The following RPIA variants were observed in gnomAD, a reference collection of about 807,000 sequenced individuals.
RPIA encodes ribose 5-phosphate isomerase A.
A neutral mutation model predicts 37.8 loss-of-function variants in RPIA; 29 were observed. That is an observed-to-expected ratio of 0.77 (90% CI 0.57 to 1.05). RPIA has a LOEUF of 1.05. RPIA is among the 50% of genes least tolerant of loss of function. The pLI is 0.00. For missense variants in RPIA, 385 were observed against 413.6 expected (o/e 0.93, Z 0.60); for synonymous variants, 167 against 157.0 (o/e 1.06, Z -0.48).
intron 3 of RPIA, among the ~76,000 whole-genome samples, chr2:88,729,029 C>T (rs7603862): frequency 0.064 from 9,782 of 152,230 alleles, 563 homozygotes; most frequent in African/African-American, 0.15. Flanking sequence ...AAGTCACTGA[C>T]GAGGAGCTCT....
chr2:88,741,049 GT>G (rs927606090), intron 8 of RPIA, among the ~76,000 whole-genome samples: 93 of 151,538 alleles, frequency 6.1e-4, no homozygotes, highest in African/African-American at 1.7e-3. Flanking sequence ...GTCTTTGGGA[GT>G]TTTTTTTTAA....
At chr2:88,700,274 T>G (rs1448833377) in intron 3 of RPIA, among the ~76,000 whole-genome samples, 3 of 152,214 alleles carry the variant, frequency 2.0e-5, no homozygotes, top group African/African-American at 7.2e-5. Flanking sequence ...TCAGTGCATG[T>G]TGAGTTTAGG....
At chr2:88,714,163 T>C (rs1371270279) in intron 3 of RPIA, among the ~76,000 whole-genome samples, 1 of 151,546 alleles carries the variant, frequency 6.6e-6, no homozygotes, top group Non-Finnish European at 1.5e-5. Flanking sequence ...TTTTTTGTTT[T>C]TTTGTTTGTT....
intron 8 of RPIA, among the ~76,000 whole-genome samples, chr2:88,744,297 A>G (rs572981821): frequency 6.6e-6 from 1 of 152,254 alleles, no homozygotes; most frequent in South Asian, 2.1e-4. Context: ...TTTAATTTCC[A>G]TGTATTTGTA....
chr2:88,739,848 C>T (rs140698801), intron 8 of RPIA, among the ~76,000 whole-genome samples: 76 of 152,276 alleles, frequency 5.0e-4, no homozygotes, highest in African/African-American at 1.8e-3. Context: ...GAACTGGGCT[C>T]AAAGTCTCCC....
At chr2:88,700,401 A>G (rs1672813958) in intron 3 of RPIA, among the ~76,000 whole-genome samples, 1 of 152,138 alleles carries the variant, frequency 6.6e-6, no homozygotes, top group South Asian at 2.1e-4. Context: ...CTGTAATCTC[A>G]AGTACTTTGG....
At chr2:88,732,728 T>TAAAAAAAAAA (rs75685116) in intron 4 of RPIA, among the ~76,000 whole-genome samples, 2 of 2,004 alleles carry the variant, frequency 1.0e-3, no homozygotes, top group East Asian at 7.1e-3. Flanking sequence ...TAGAGTATAA[T>TAAAAAAAAAA]AAAAAAAAAA....
intron 8 of RPIA, among the ~76,000 whole-genome samples, chr2:88,748,538 T>G (rs1202849398): frequency 6.6e-6 from 1 of 152,236 alleles, no homozygotes; most frequent in African/African-American, 2.4e-5. Flanking sequence ...ACCTGGTCCA[T>G]TATACCTTTT....
chr2:88,748,698 C>G (rs1558702739), intron 8 of RPIA, among the ~76,000 whole-genome samples: 1 of 152,086 alleles, frequency 6.6e-6, no homozygotes, highest in East Asian at 1.9e-4. Context: ...CTATTCTACT[C>G]TTTTAGTTTT....
intron 3 of RPIA, among the ~76,000 whole-genome samples, chr2:88,710,968 C>T (rs577781109): frequency 1.0e-3 from 158 of 152,320 alleles, no homozygotes; most frequent in African/African-American, 3.5e-3. Flanking sequence ...GTGCCCTGAA[C>T]GCTAGGCGAC....
At position 88,733,344 on chromosome 2, in the gene RPIA, A is replaced by G. The variant is rs773888503; in HGVS notation, c.463-1208A>G. ...GGCACCTGGAAAACCAGGCAGGTTG[A>G]GACTTGATGGTGATCTGGTAGCCCA... is the stretch of plus-strand genomic sequence containing the variant. On this transcript the variant is annotated intron_variant, in intron 4 of 8. Coordinates refer to ENST00000283646, the MANE Select transcript of RPIA (RefSeq NM_144563.3). Among the ~76,000 whole-genome samples, 4 of 152,164 alleles carry G rather than the reference A, an allele frequency of 2.6e-5. 1 individual carries two copies. The highest frequency in any genetic ancestry group is 2.6e-4 in the Admixed American group (4 of 15,284).
At chr2:88,727,517 T>C (rs1370499047) in intron 3 of RPIA, among the ~76,000 whole-genome samples, 2 of 152,212 alleles carry the variant, frequency 1.3e-5, no homozygotes, top group Non-Finnish European at 2.9e-5. Context: ...CTAGTACCCA[T>C]TAGTTATTTT....
intron 8 of RPIA, among the ~76,000 whole-genome samples, chr2:88,748,325 C>T (rs2104153378): frequency 6.6e-6 from 1 of 152,246 alleles, no homozygotes; most frequent in East Asian, 1.9e-4. Flanking sequence ...TGCATGTATT[C>T]CACTTTACCT....
intron 1 of RPIA, among the ~76,000 whole-genome samples, chr2:88,695,173 T>A (rs553975959): frequency 6.6e-6 from 1 of 152,156 alleles, no homozygotes; most frequent in Non-Finnish European, 1.5e-5. Context: ...CTTTATAAGC[T>A]GGTAAACATG....
chr2:88,715,975 C>T (rs6745982), intron 3 of RPIA, among the ~76,000 whole-genome samples: 9,922 of 152,086 alleles, frequency 0.065, 589 homozygotes, highest in African/African-American at 0.16. Flanking sequence ...ATTTTCTTTC[C>T]AAATAAGAGC....
At chr2:88,719,808 T>C (rs1386041050) in intron 3 of RPIA, among the ~76,000 whole-genome samples, 3 of 152,224 alleles carry the variant, frequency 2.0e-5, no homozygotes, top group Non-Finnish European at 4.4e-5. Context: ...TTTATAGACT[T>C]TATAACCTTT....
rs1019772378 is a variant in RPIA at position 88,749,916 on chromosome 2, G to A, written c.839-65G>A. On this transcript the variant is annotated intron_variant, in intron 8 of 8. Transcript: ENST00000283646. The stretch of plus-strand genomic sequence containing the variant: ...GACAGTTGCTTCTAGTGACCCTGCA[G>A]TCTTTGAGTCTCTTTTTGCTTTGGG... The A allele has an allele frequency of 6.9e-6, 8 of 1,153,272 alleles. No homozygotes were observed. In the African/African-American group the frequency reaches 1.2e-4, roughly 17 times the overall value. The allele number at this position is 1,153,272 out of a possible 1,614,324, so 71.4% of individuals were successfully genotyped here. A position where few individuals can be genotyped will look rare whatever the true frequency, so the allele number is the denominator to read the frequency against.
chr2:88,748,945 C>T (rs1673469904), intron 8 of RPIA, among the ~76,000 whole-genome samples: 1 of 152,194 alleles, frequency 6.6e-6, no homozygotes, highest in Non-Finnish European at 1.5e-5. Flanking sequence ...AACTCCTGGG[C>T]TCCATCAGCT....
Position 88,750,867 on chromosome 2 carries a change from T to A in RPIA, c.*789T>A, listed in dbSNP as rs2104157381. ...TTCCTTTGTTATTACTTGCATGGTT[T>A]GGCGTCAGAAGTCCTTACCTCTTTA... On this transcript the variant is annotated 3_prime_UTR_variant, in exon 9 of 9. Coordinates refer to ENST00000283646, the MANE Select transcript of RPIA (RefSeq NM_144563.3). 1.5e-5 allele frequency: 6 copies of A among 397,118 alleles called. No homozygotes were observed. The East Asian group carries it at 2.1e-4, about 14-fold the overall frequency. The allele number at this position is 397,118 out of a possible 1,614,324, so 24.6% of individuals were successfully genotyped here.
Sources: allele counts gnomAD v4.1 joint callset (sites outside exome capture counted in the v4.1 genomes callset), GRCh38; gene constraint gnomAD v4.1.1; transcripts MANE v1.5; gene names NCBI Gene and HGNC (gene_info 2026-07-23, HGNC 2026-07-21).